Variants in MACROD2 observed in about 807,000 individuals in gnomAD.
MACROD2 encodes ADP-ribose glycohydrolase MACROD2.
A neutral mutation model predicts 70.4 loss-of-function variants in MACROD2; 36 were observed. That is an observed-to-expected ratio of 0.51 (90% confidence interval 0.39 to 0.68). The LOEUF (loss-of-function observed/expected upper bound fraction) is 0.68, where lower values mean the gene tolerates loss of function less well. Ranked by LOEUF, MACROD2 falls within the 30% of genes least tolerant of loss-of-function variation. The pLI is 0.00. For synonymous variants in MACROD2, 172 were observed against 178.8 expected, an observed-to-expected ratio of 0.96 and a Z score of 0.30; for missense variants, 496 against 538.4, an observed-to-expected ratio of 0.92 and a Z score of 0.78.
At chr20:15,967,513 T>C (rs1049024046) in intron 12 of MACROD2, 40 bp from the exon 13 acceptor site, 3 of 1,539,494 alleles carry the variant, frequency 1.9e-6, no homozygotes, top group Non-Finnish European at 2.7e-6. Context: ...TGTTTCCAAG[T>C]TAAAAATGCT....
chr20:15,233,227 A>C (rs1007218425), intron 6 of MACROD2, among the ~76,000 whole-genome samples: 1 of 152,138 alleles, frequency 6.6e-6, no homozygotes, highest in Admixed American at 6.5e-5. Context: ...GCAGATACTC[A>C]TAAGATCAGT....
At chr20:14,065,161 A>G (rs1350132068) in intron 2 of MACROD2, among the ~76,000 whole-genome samples, 2 of 152,306 alleles carry the variant, frequency 1.3e-5, no homozygotes, top group East Asian at 1.9e-4. Flanking sequence ...ACAGAAAGCT[A>G]TAGACTTCCA....
At chr20:16,022,472 A>G (rs1194954132) in intron 15 of MACROD2, among the ~76,000 whole-genome samples, 1 of 152,198 alleles carries the variant, frequency 6.6e-6, no homozygotes, top group Non-Finnish European at 1.5e-5. Flanking sequence ...TTTTGGTGAA[A>G]AGCAATCAGT....
chr20:15,133,669 C>T (rs879568502), intron 5 of MACROD2, among the ~76,000 whole-genome samples: 1 of 152,112 alleles, frequency 6.6e-6, no homozygotes, highest in Non-Finnish European at 1.5e-5. Context: ...AATTTACCCT[C>T]AGCAAATACT....
chr20:15,637,086 A>G (rs572260777), intron 8 of MACROD2, among the ~76,000 whole-genome samples: 19 of 152,302 alleles, frequency 1.2e-4, no homozygotes, highest in African/African-American at 4.3e-4. Flanking sequence ...TGAAGTTTAT[A>G]GGATGCTCCC....
At chr20:15,378,355 G>A (rs1293728940) in intron 6 of MACROD2, among the ~76,000 whole-genome samples, 1 of 151,476 alleles carries the variant, frequency 6.6e-6, no homozygotes, top group Non-Finnish European at 1.5e-5. Flanking sequence ...GGCAGCATCA[G>A]TAATCCAGGC....
chr20:14,314,964 C>G (rs2082600561), intron 3 of MACROD2, among the ~76,000 whole-genome samples: 1 of 152,014 alleles, frequency 6.6e-6, no homozygotes, highest in Admixed American at 6.6e-5. Flanking sequence ...AAATAAGCAG[C>G]AAAAACTGGA....
intron 13 of MACROD2, among the ~76,000 whole-genome samples, chr20:15,981,684 T>C (rs1291496215): frequency 6.6e-6 from 1 of 152,250 alleles, no homozygotes; most frequent in Non-Finnish European, 1.5e-5. Context: ...TCTGAAATAC[T>C]GGTTCTGGAG....
chr20:15,827,426 G>A (rs2064009222), intron 8 of MACROD2, among the ~76,000 whole-genome samples: 1 of 152,042 alleles, frequency 6.6e-6, no homozygotes, highest in Non-Finnish European at 1.5e-5. Flanking sequence ...CTCTTCATAG[G>A]AAATAAGATG....
At chr20:15,139,246 G>A (rs1462569212) in intron 5 of MACROD2, among the ~76,000 whole-genome samples, 2 of 152,152 alleles carry the variant, frequency 1.3e-5, no homozygotes, top group African/African-American at 4.8e-5. Flanking sequence ...TGTCACCCTG[G>A]ATTTGGCAGC....
chr20:14,660,758 A>C (rs966923686), intron 4 of MACROD2, among the ~76,000 whole-genome samples: 3 of 151,974 alleles, frequency 2.0e-5, no homozygotes, highest in Non-Finnish European at 2.9e-5. Flanking sequence ...CTGTCTATGC[A>C]TACCCAGTGT....
At chr20:14,446,368 G>A (rs775414577) in intron 3 of MACROD2, among the ~76,000 whole-genome samples, 1 of 152,060 alleles carries the variant, frequency 6.6e-6, no homozygotes, top group African/African-American at 2.4e-5. Context: ...TCACTAACTT[G>A]TAAGAGTTGA....
At chr20:14,923,198 C>T (rs945882617) in intron 5 of MACROD2, among the ~76,000 whole-genome samples, 13 of 152,144 alleles carry the variant, frequency 8.5e-5, no homozygotes, top group Admixed American at 6.5e-4. Flanking sequence ...AGTTGTGTCA[C>T]TCCCCACTCA....
chr20:15,609,055 C>T (rs1184390401), intron 8 of MACROD2, among the ~76,000 whole-genome samples: 2 of 152,122 alleles, frequency 1.3e-5, no homozygotes, highest in African/African-American at 4.8e-5. Flanking sequence ...TGTTCTTTCA[C>T]CTGCTCTATT....
intron 5 of MACROD2, among the ~76,000 whole-genome samples, chr20:14,792,005 A>G (rs2072456444): frequency 1.3e-5 from 2 of 152,048 alleles, no homozygotes. Context: ...CTTTCTCAAC[A>G]TTATGAACAT....
chr20:15,408,614 G>A (rs772580028), intron 6 of MACROD2, among the ~76,000 whole-genome samples: 30 of 152,168 alleles, frequency 2.0e-4, no homozygotes, highest in African/African-American at 6.8e-4. Flanking sequence ...CCATTCAGCC[G>A]CTGAGATCAG....
intron 4 of MACROD2, among the ~76,000 whole-genome samples, chr20:14,603,063 A>C (rs1982593377): frequency 6.6e-6 from 1 of 152,222 alleles, no homozygotes; most frequent in South Asian, 2.1e-4. Context: ...AGAACACATA[A>C]TAAATTATTA....
At chr20:15,553,188 C>G (rs570406539) in intron 8 of MACROD2, among the ~76,000 whole-genome samples, 1 of 152,274 alleles carries the variant, frequency 6.6e-6, no homozygotes, top group African/African-American at 2.4e-5. Context: ...AGGTGCCAGG[C>G]TTTCTGCTAG....
rs200051634 is a variant in MACROD2, at chr20:14,730,782, TA to T, written c.418+45831del. 1.6e-3 allele frequency among the ~76,000 whole-genome samples: 239 copies of T among 151,780 alleles called. 3 individuals carry two copies. The East Asian group carries it at 0.018, about 12-fold the overall frequency. The stretch of plus-strand genomic sequence containing the variant: ...TCCGTTCATAAGATTCAAAAACAGA[TA>T]AAAAAAATACTGGACAAAAGTTACA... On this transcript the variant is annotated intron_variant, in intron 5 of 17. Coordinates refer to ENST00000684519, the MANE Select transcript of MACROD2 (RefSeq NM_001351661.2).
Sources: allele counts gnomAD v4.1 joint callset (sites outside exome capture counted in the v4.1 genomes callset), GRCh38; gene constraint gnomAD v4.1.1; transcripts MANE v1.5; gene names NCBI Gene and HGNC (gene_info 2026-07-23, HGNC 2026-07-21).